OSBPL6: variants seen among roughly 807,000 people sequenced by gnomAD.
The protein encoded by OSBPL6 is oxysterol-binding protein-related protein 6.
A neutral mutation model predicts 125.8 loss-of-function variants in OSBPL6; 49 were observed. The ratio of observed to expected loss-of-function variants is 0.39; its 90% CI spans 0.31 to 0.49. The LOEUF (loss-of-function observed/expected upper bound fraction) is 0.49. OSBPL6 is among the 20% of genes least tolerant of loss of function. OSBPL6 has a pLI of 0.88. For synonymous variants in OSBPL6, 394 were observed against 391.8 expected (o/e 1.01, Z -0.07); for missense variants, 986 against 1,135.4 (o/e 0.87, Z 1.89).
chr2:178,214,811 T>C (rs1055944677), intron 1 of OSBPL6, among the ~76,000 whole-genome samples: 2 of 151,618 alleles, frequency 1.3e-5, no homozygotes, highest in African/African-American at 4.8e-5. Context: ...ATCAGCCAGG[T>C]ATGGTGGCAC....
chr2:178,333,177 A>T, intron 8 of OSBPL6, 136 bp downstream of exon 8: 1 of 893,106 alleles, frequency 1.1e-6, no homozygotes, highest in Non-Finnish European at 1.7e-6. Flanking sequence ...GACAGCCAGG[A>T]GTTCGAGACC....
intron 1 of OSBPL6, among the ~76,000 whole-genome samples, chr2:178,282,879 C>A (rs1684342750): frequency 6.6e-6 from 1 of 152,176 alleles, no homozygotes. Context: ...TCTCGATCTC[C>A]TGACCTCAGG....
At chr2:178,329,851 G>GTGGC (rs1477525405) in intron 5 of OSBPL6, among the ~76,000 whole-genome samples, 1 of 152,190 alleles carries the variant, frequency 6.6e-6, no homozygotes, top group Non-Finnish European at 1.5e-5. Flanking sequence ...ATGGCCAGTG[G>GTGGC]TGGCTGCCCA....
chr2:178,308,158 G>A (rs947050143), intron 3 of OSBPL6, among the ~76,000 whole-genome samples: 1 of 152,140 alleles, frequency 6.6e-6, no homozygotes, highest in Non-Finnish European at 1.5e-5. Context: ...TTCTTCCCTG[G>A]TTCCTTCCTG....
intron 4 of OSBPL6, among the ~76,000 whole-genome samples, chr2:178,325,760 A>T (rs996575955): frequency 3.3e-5 from 5 of 152,208 alleles, no homozygotes; most frequent in African/African-American, 1.2e-4. Context: ...ATTATGGCAT[A>T]GTTTTCCGGC....
chr2:178,195,311 AG>A (rs1223784289), intron 1 of OSBPL6, among the ~76,000 whole-genome samples: 1 of 152,208 alleles, frequency 6.6e-6, no homozygotes, highest in African/African-American at 2.4e-5. Flanking sequence ...TCCCCCGGCC[AG>A]GGCCAAGTCT....
rs62176087 is a variant in OSBPL6, at chr2:178,367,651, A to G, written c.1288-4475A>G. ...ATTTAGGTAATTGATTCTGGCTCAA[A>G]TCTTTAAGACAGTAACTTCTTTTAC... On this transcript the variant is annotated intron_variant, in intron 13 of 24. Transcript: ENST00000190611. Among the ~76,000 whole-genome samples, 237 of 152,304 alleles carry G rather than the reference A, an allele frequency of 1.6e-3. 1 individual carries two copies. Among genetic ancestry groups the G allele is most frequent in the Non-Finnish European group, 2.1e-3 (144 of 68,034 alleles).
At chr2:178,234,415 CAGAG>C (rs747615655) in intron 1 of OSBPL6, among the ~76,000 whole-genome samples, 1 of 151,682 alleles carries the variant, frequency 6.6e-6, no homozygotes, top group Non-Finnish European at 1.5e-5. Context: ...GAGAGAGAGA[CAGAG>C]AGAGAGAGTC....
At chr2:178,231,413 T>C (rs1390368959) in intron 1 of OSBPL6, among the ~76,000 whole-genome samples, 3 of 152,178 alleles carry the variant, frequency 2.0e-5, no homozygotes, top group African/African-American at 7.2e-5. Flanking sequence ...TGGGCACAAC[T>C]GCTGGCATTC....
intron 13 of OSBPL6, 99 bp from the exon 14 acceptor site, chr2:178,372,027 C>A: frequency 1.2e-6 from 1 of 845,268 alleles, no homozygotes; most frequent in Non-Finnish European, 1.8e-6. Context: ...GAGCTAAGAA[C>A]ATCACAGACA....
At chr2:178,360,628 T>G (rs2154098057) in intron 12 of OSBPL6, among the ~76,000 whole-genome samples, 1 of 152,326 alleles carries the variant, frequency 6.6e-6, no homozygotes, top group African/African-American at 2.4e-5. Context: ...ACACAAATTC[T>G]CTATGCTAGG....
At chr2:178,244,895 T>C (rs999226127) in intron 1 of OSBPL6, among the ~76,000 whole-genome samples, 1 of 152,162 alleles carries the variant, frequency 6.6e-6, no homozygotes, top group African/African-American at 2.4e-5. Flanking sequence ...TGTGTTACTT[T>C]CCCCCAACAA....
intron 9 of OSBPL6, among the ~76,000 whole-genome samples, chr2:178,338,208 C>T (rs1175182310): frequency 2.0e-5 from 3 of 152,260 alleles, no homozygotes; most frequent in Admixed American, 6.5e-5. Context: ...GCTGGGATTA[C>T]AGGCATGAGC....
chr2:178,398,616 G>C lies in OSBPL6; in HGVS notation c.*3057G>C, dbSNP rs1695992502. 2 of 152,094 alleles carry C rather than the reference G, an allele frequency of 1.3e-5. No homozygotes were observed. Among genetic ancestry groups the C allele is most frequent in the South Asian group, 4.1e-4 (2 of 4,824 alleles). The allele number at this position is 152,094 out of a possible 1,614,324, so 9.4% of individuals were successfully genotyped here. On this transcript the variant is annotated 3_prime_UTR_variant, in exon 25 of 25. Coordinates refer to ENST00000190611, the MANE Select transcript of OSBPL6 (RefSeq NM_032523.4). The stretch of plus-strand genomic sequence containing the variant: ...CCTACCCCATAATTTTCAGGCAATT[G>C]TAAAAATAAACCTTATTTAAGATAA...
In OSBPL6 at chr2:178,391,112, G is replaced by A. The variant is rs1429587410; in HGVS notation, c.2341G>A (p.Val781Met). 2 of 1,613,964 alleles carry A rather than the reference G, an allele frequency of 1.2e-6. No individual in the cohort carries two copies. Among genetic ancestry groups the A allele is most frequent in the Non-Finnish European group, 1.7e-6 (2 of 1,179,944 alleles). Residue 781 changes from valine to methionine, a missense_variant, in exon 22 of 25, where the codon GTG (valine) becomes ATG (methionine). Transcript: ENST00000190611. ...TTCTAACATGAATGAAGTCCAGGGG[G>A]TGGTGATAGATCAGGAGGGGAAGGC... ...WNSNMNEVQG[V>M]VIDQEGKAVY...
intron 1 of OSBPL6, among the ~76,000 whole-genome samples, chr2:178,270,271 G>T (rs1250034231): frequency 6.6e-6 from 1 of 152,190 alleles, no homozygotes; most frequent in African/African-American, 2.4e-5. Context: ...TGAACAGGGA[G>T]AATCATAAAG....
chr2:178,274,873 TA>T (rs1299672482), intron 1 of OSBPL6, among the ~76,000 whole-genome samples: 2 of 152,166 alleles, frequency 1.3e-5, no homozygotes, highest in Admixed American at 1.3e-4. Context: ...CTGAGCAGTT[TA>T]AAAATTGTCC....
intron 2 of OSBPL6, among the ~76,000 whole-genome samples, chr2:178,289,121 G>A (rs1685001219): frequency 1.3e-5 from 2 of 148,996 alleles, no homozygotes; most frequent in Admixed American, 6.7e-5. Flanking sequence ...GGGCTTAAGC[G>A]ATTCTCCTGG....
At chr2:178,214,327 C>A (rs994077265) in intron 1 of OSBPL6, among the ~76,000 whole-genome samples, 3 of 152,190 alleles carry the variant, frequency 2.0e-5, no homozygotes, top group Non-Finnish European at 2.9e-5. Context: ...GCTGTTACAT[C>A]CTCTTTCCCC....
Sources: gnomAD v4.1 joint callset for allele counts (sites outside exome capture counted in the v4.1 genomes callset) on GRCh38, gnomAD v4.1.1 for gene constraint, MANE v1.5 for transcripts, NCBI Gene and HGNC (gene_info 2026-07-23, HGNC 2026-07-21) for gene names.